The following ERICH1 variants were observed in gnomAD, a reference collection of about 807,000 sequenced individuals.
ERICH1 encodes glutamate-rich protein 1.
Under a neutral mutation model 39.6 loss-of-function variants are expected in ERICH1, and 56 were observed. The observed-to-expected ratio is 1.41, with a 90% CI of 1.14 to 1.77. ERICH1 has a LOEUF of 1.77. Among genes scored for constraint, ERICH1 ranks in the 40% most tolerant of loss-of-function variants. The pLI is 0.00. For synonymous variants in ERICH1, 313 were observed against 223.6 expected (o/e 1.40, Z -3.57); for missense variants, 826 against 575.4 (o/e 1.44, Z -4.45).
At chr8:682,061 C>T in intron 3 of ERICH1, among the ~76,000 whole-genome samples, 1 of 41,662 alleles carries the variant, frequency 2.4e-5, no homozygotes, top group South Asian at 1.5e-3. Flanking sequence ...GCTACAGATT[C>T]CCACTTTTCC....
intron 1 of ERICH1, among the ~76,000 whole-genome samples, chr8:728,200 A>C (rs556388225): frequency 5.9e-5 from 9 of 152,336 alleles, no homozygotes; most frequent in Non-Finnish European, 8.8e-5. Context: ...ACCAACCACC[A>C]GGGAGGAGGC....
At chr8:658,821 G>A (rs1233997119) in intron 3 of ERICH1, among the ~76,000 whole-genome samples, 1 of 152,192 alleles carries the variant, frequency 6.6e-6, no homozygotes, top group East Asian at 1.9e-4. Context: ...GCCAGGCTGT[G>A]GGCTTTGCTT....
chr8:631,753 C>T (rs1004624930), intron 3 of ERICH1, among the ~76,000 whole-genome samples: 6 of 152,182 alleles, frequency 3.9e-5, no homozygotes, highest in Non-Finnish European at 5.9e-5. Flanking sequence ...GTCTCTGGAA[C>T]GTTCTCAGCT....
At chr8:702,262 A>C (rs1164120229) in intron 2 of ERICH1, among the ~76,000 whole-genome samples, 1 of 152,200 alleles carries the variant, frequency 6.6e-6, no homozygotes, top group African/African-American at 2.4e-5. Flanking sequence ...GCATTGAATA[A>C]GAAACAGAAA....
intron 3 of ERICH1, among the ~76,000 whole-genome samples, chr8:628,381 T>C (rs370806167): frequency 6.6e-6 from 1 of 152,216 alleles, no homozygotes; most frequent in Non-Finnish European, 1.5e-5. Flanking sequence ...TTTTGGCCTC[T>C]TGAGAGTGAC....
chr8:716,743 A>G (rs1392244142), intron 1 of ERICH1, among the ~76,000 whole-genome samples: 1 of 152,162 alleles, frequency 6.6e-6, no homozygotes, highest in Non-Finnish European at 1.5e-5. Context: ...CACTCCTGAA[A>G]CAACTGCCTG....
intron 1 of ERICH1, among the ~76,000 whole-genome samples, chr8:720,778 T>C (rs1331682423): frequency 2.6e-5 from 4 of 152,222 alleles, no homozygotes; most frequent in Non-Finnish European, 5.9e-5. Flanking sequence ...GGGCTCCATG[T>C]TGCATGGGTG....
intron 3 of ERICH1, among the ~76,000 whole-genome samples, chr8:627,825 G>C (rs998589491): frequency 6.6e-6 from 1 of 152,226 alleles, no homozygotes; most frequent in African/African-American, 2.4e-5. Context: ...GAGCCAGCAA[G>C]GGTCTGACAG....
intron 3 of ERICH1, among the ~76,000 whole-genome samples, chr8:640,323 C>T (rs1014244822): frequency 5.1e-4 from 77 of 152,204 alleles, no homozygotes; most frequent in Non-Finnish European, 2.2e-4. Context: ...CACACAAGCC[C>T]CAGGTGGCAG....
chr8:629,316 C>T (rs1250021065), intron 3 of ERICH1, among the ~76,000 whole-genome samples: 4 of 151,878 alleles, frequency 2.6e-5, no homozygotes, highest in Non-Finnish European at 5.9e-5. Flanking sequence ...CGTGACCACC[C>T]ACAGAGACAG....
intron 3 of ERICH1, 144 bp downstream of exon 3, chr8:692,334 C>T (rs928002755): frequency 2.5e-6 from 3 of 1,186,914 alleles, no homozygotes; most frequent in Non-Finnish European, 3.5e-6. Context: ...CAAAGGTACA[C>T]CATGTGGTTC....
chr8:635,025 C>T (rs1414549190), intron 3 of ERICH1, among the ~76,000 whole-genome samples: 1 of 151,970 alleles, frequency 6.6e-6, no homozygotes, highest in Non-Finnish European at 1.5e-5. Flanking sequence ...CCCGTGGCTT[C>T]AGACCGCACC....
chr8:701,193 C>A (rs529992127), intron 2 of ERICH1, among the ~76,000 whole-genome samples: 1 of 152,314 alleles, frequency 6.6e-6, no homozygotes, highest in East Asian at 1.9e-4. Context: ...GGGAGCACAC[C>A]GTACCCACGG....
chr8:683,585 A>T (rs1806639442), intron 3 of ERICH1, among the ~76,000 whole-genome samples: 1 of 152,252 alleles, frequency 6.6e-6, no homozygotes, highest in Admixed American at 6.5e-5. Flanking sequence ...TTGGAGCTGG[A>T]AATGTGGCCT....
intron 1 of ERICH1, among the ~76,000 whole-genome samples, chr8:730,881 C>G (rs1401344607): frequency 6.6e-6 from 1 of 152,210 alleles, no homozygotes; most frequent in Admixed American, 6.5e-5. Flanking sequence ...CGCCTCCGCC[C>G]AGGACCCCAG....
intron 1 of ERICH1, among the ~76,000 whole-genome samples, chr8:724,506 G>A (rs1207304108): frequency 1.3e-5 from 2 of 152,060 alleles, no homozygotes; most frequent in Non-Finnish European, 2.9e-5. Context: ...GGCTTCCGGA[G>A]AGGCCGGCAC....
At chr8:709,180 C>A (rs1814127378) in intron 2 of ERICH1, among the ~76,000 whole-genome samples, 1 of 152,194 alleles carries the variant, frequency 6.6e-6, no homozygotes, top group Admixed American at 6.5e-5. Context: ...TGTGACACGA[C>A]CTGATCATCA....
At chr8:693,594 C>T (rs1379786353) in intron 2 of ERICH1, among the ~76,000 whole-genome samples, 1 of 151,920 alleles carries the variant, frequency 6.6e-6, no homozygotes, top group East Asian at 1.9e-4. Flanking sequence ...GCTGTGTGCC[C>T]CTCTGCATAC....
At chr8:660,430 C>A (rs970700737), downstream of ERICH1, among the ~76,000 whole-genome samples, 2 of 152,226 alleles carry the variant, frequency 1.3e-5, no homozygotes, top group African/African-American at 2.4e-5. Context: ...GGGGCTGGGA[C>A]TTGGTGCCTT....
Sources: allele counts gnomAD v4.1 joint callset (sites outside exome capture counted in the v4.1 genomes callset), GRCh38; gene constraint gnomAD v4.1.1; transcripts MANE v1.5; gene names NCBI Gene and HGNC (gene_info 2026-07-23, HGNC 2026-07-21).